ANKIB1: variants seen among roughly 807,000 people sequenced by gnomAD.
ANKIB1 encodes the protein ankyrin repeat and IBR domain containing 1.
In ANKIB1, 43 loss-of-function variants were observed where a neutral mutation model predicts 122.1. That is an observed-to-expected ratio of 0.35 (90% CI 0.28 to 0.45). The LOEUF is 0.45. Among genes scored for constraint, ANKIB1 ranks in the 20% least tolerant of loss-of-function variants. The pLI is 1.00. For synonymous variants in ANKIB1, 390 were observed against 442.0 expected, an observed-to-expected ratio of 0.88 and a Z score of 1.48; for missense variants, 992 against 1,329.5, an observed-to-expected ratio of 0.75 and a Z score of 3.95.
At chr7:92,253,672 C>CTT (rs892485665) in intron 1 of ANKIB1, among the ~76,000 whole-genome samples, 2 of 149,212 alleles carry the variant, frequency 1.3e-5, no homozygotes, top group African/African-American at 2.5e-5. Flanking sequence ...TATTCTACAC[C>CTT]TTTTTTTTTT....
intron 11 of ANKIB1, 124 bp downstream of exon 11, chr7:92,371,731 A>G: frequency 8.9e-7 from 1 of 1,122,798 alleles, no homozygotes; most frequent in Non-Finnish European, 1.2e-6. Context: ...TAATCCCAGC[A>G]CTTCAGGAGG....
chr7:92,261,448 A>G (rs1297359070), intron 1 of ANKIB1, among the ~76,000 whole-genome samples: 1 of 151,560 alleles, frequency 6.6e-6, no homozygotes, highest in Non-Finnish European at 1.5e-5. Context: ...TACACCTGGC[A>G]TAAATCCTTT....
chr7:92,341,397 T>C, intron 5 of ANKIB1, among the ~76,000 whole-genome samples: 1 of 151,994 alleles, frequency 6.6e-6, no homozygotes, highest in Admixed American at 6.6e-5. Context: ...TTAGACTCAT[T>C]AGTCTCATTC....
At chr7:92,305,011 A>G (rs148783866) in intron 2 of ANKIB1, among the ~76,000 whole-genome samples, 128 of 152,346 alleles carry the variant, frequency 8.4e-4, no homozygotes, top group Admixed American at 2.5e-3. Context: ...ACTCGTGGAT[A>G]GACTTTAAAT....
intron 11 of ANKIB1, among the ~76,000 whole-genome samples, chr7:92,377,128 C>CTT (rs1804399465): frequency 6.6e-6 from 1 of 152,170 alleles, no homozygotes; most frequent in Non-Finnish European, 1.5e-5. Context: ...CCTTACTAAG[C>CTT]TTAATCATCT....
At chr7:92,291,638 G>T (rs911187760) in intron 1 of ANKIB1, among the ~76,000 whole-genome samples, 1 of 148,676 alleles carries the variant, frequency 6.7e-6, no homozygotes, top group Non-Finnish European at 1.5e-5. Flanking sequence ...GCGCAGTGGC[G>T]TGATCTCAGC....
intron 3 of ANKIB1, among the ~76,000 whole-genome samples, chr7:92,311,879 A>G (rs1226177637): frequency 1.3e-5 from 2 of 152,052 alleles, no homozygotes; most frequent in African/African-American, 2.4e-5. Context: ...ACTTCATGCT[A>G]TATTGTTGCC....
intron 5 of ANKIB1, among the ~76,000 whole-genome samples, chr7:92,335,999 A>T (rs759601745): frequency 6.6e-6 from 1 of 151,970 alleles, no homozygotes; most frequent in African/African-American, 2.4e-5. Flanking sequence ...TTTATAGTCT[A>T]TTTAGCATTA....
At chr7:92,271,487 A>G (rs1430697221) in intron 1 of ANKIB1, among the ~76,000 whole-genome samples, 2 of 152,176 alleles carry the variant, frequency 1.3e-5, no homozygotes, top group Non-Finnish European at 2.9e-5. Flanking sequence ...TGTATCTATA[A>G]AAATTCTTGC....
chr7:92,299,522 A>G (rs929792016), intron 2 of ANKIB1, among the ~76,000 whole-genome samples: 1 of 152,210 alleles, frequency 6.6e-6, no homozygotes, highest in Non-Finnish European at 1.5e-5. Flanking sequence ...TGAGACAGAT[A>G]TTTAAAAACA....
At position 92,307,632 on chromosome 7, in the gene ANKIB1, C is replaced by T; in HGVS notation, c.462C>T (p.Ala154=). Residue 154 remains alanine, a synonymous_variant, in exon 3 of 20, where the codon GCC becomes GCT. Transcript: ENST00000265742. Reference sequence around the variant, plus strand: ...ACACACCCTTGCACTATGCTGCTGCCTCAGGGATGAAAGCCTGTGTAGAGG... The same window carrying T: ...ACACACCCTTGCACTATGCTGCTGCTTCAGGGATGAAAGCCTGTGTAGAGG... ...KKNTPLHYAA[A]SGMKACVELL... is the part of the protein sequence containing the mutation. The T allele has an allele frequency of 6.2e-7, 1 of 1,603,510 alleles. No individual in the cohort carries two copies. Among genetic ancestry groups the T allele is most frequent in the Non-Finnish European group, 8.5e-7 (1 of 1,175,584 alleles).
intron 9 of ANKIB1, among the ~76,000 whole-genome samples, chr7:92,359,532 A>ATG (rs1202719031): frequency 2.6e-5 from 4 of 152,164 alleles, no homozygotes; most frequent in Admixed American, 1.3e-4. Context: ...CAATAAACAT[A>ATG]TGTGTGTGTG....
intron 1 of ANKIB1, among the ~76,000 whole-genome samples, chr7:92,273,116 A>G (rs559035265): frequency 6.6e-6 from 1 of 152,214 alleles, no homozygotes; most frequent in Non-Finnish European, 1.5e-5. Flanking sequence ...AGTGCAAAAA[A>G]GATAACAGTT....
intron 1 of ANKIB1, among the ~76,000 whole-genome samples, chr7:92,273,688 G>T (rs1801843436): frequency 1.3e-5 from 2 of 152,290 alleles, no homozygotes; most frequent in South Asian, 4.1e-4. Flanking sequence ...CTAATACAAA[G>T]GGAGTGGAGG....
intron 1 of ANKIB1, among the ~76,000 whole-genome samples, chr7:92,289,890 C>G (rs183628052): frequency 6.6e-6 from 1 of 152,216 alleles, no homozygotes; most frequent in Non-Finnish European, 1.5e-5. Flanking sequence ...TATCTCGGCT[C>G]ACTGCAACTT....
intron 8 of ANKIB1, among the ~76,000 whole-genome samples, 158 bp from the exon 9 acceptor site, chr7:92,352,318 C>A (rs986302908): frequency 3.9e-5 from 6 of 152,116 alleles, no homozygotes; most frequent in African/African-American, 1.4e-4. Context: ...CAGTACTTTG[C>A]AGTACTATTT....
intron 1 of ANKIB1, among the ~76,000 whole-genome samples, chr7:92,258,658 T>TA (rs1392823564): frequency 4.6e-5 from 7 of 152,178 alleles, no homozygotes; most frequent in Admixed American, 1.3e-4. Flanking sequence ...TTAATTTTTT[T>TA]AAAAAAATTG....
chr7:92,356,370 A>T lies in ANKIB1; in HGVS notation c.1397+3728A>T, dbSNP rs140448819. Among the ~76,000 whole-genome samples the T allele has an allele frequency of 2.3e-4, 35 of 152,362 alleles. 1 individual carries two copies. Among genetic ancestry groups the T allele is most frequent in the African/African-American group, 7.9e-4 (33 of 41,588 alleles). ...AGATTTTTCTAGATTGGCAGTATCT[A>T]GCTATTTAAGTATCAGACTCCTGCC... On this transcript the variant is annotated intron_variant, in intron 9 of 19. Transcript: ENST00000265742.
intron 1 of ANKIB1, among the ~76,000 whole-genome samples, chr7:92,255,211 T>A (rs1801410434): frequency 6.6e-6 from 1 of 152,236 alleles, no homozygotes; most frequent in African/African-American, 2.4e-5. Context: ...TTTAAAGACT[T>A]TTTGATGTTC....
Sources: gnomAD v4.1 joint callset for allele counts (sites outside exome capture counted in the v4.1 genomes callset) on GRCh38, gnomAD v4.1.1 for gene constraint, MANE v1.5 for transcripts, NCBI Gene and HGNC (gene_info 2026-07-23, HGNC 2026-07-21) for gene names.